Variants in NRP1 observed in about 807,000 individuals in gnomAD.
NRP1 encodes the protein neuropilin-1.
In NRP1, 35 loss-of-function variants were observed where a neutral mutation model predicts 106.7. That is an observed-to-expected ratio of 0.33 (90% CI 0.25 to 0.43). NRP1 has a LOEUF of 0.43. Ranked by LOEUF, NRP1 falls within the 20% of genes least tolerant of loss-of-function variation. The pLI is 1.00. For synonymous variants in NRP1, 437 were observed against 417.9 expected, an observed-to-expected ratio of 1.05 and a Z score of -0.56; for missense variants, 1,024 against 1,170.4, an observed-to-expected ratio of 0.87 and a Z score of 1.83.
chr10:33,193,476 C>T (rs1272422323), intron 12 of NRP1, among the ~76,000 whole-genome samples: 3 of 152,212 alleles, frequency 2.0e-5, no homozygotes, highest in Admixed American at 6.5e-5. Flanking sequence ...CAGCTGTTTT[C>T]TCCAGTGACG....
chr10:33,306,222 G>C (rs1198652701), intron 2 of NRP1, among the ~76,000 whole-genome samples: 1 of 152,202 alleles, frequency 6.6e-6, no homozygotes, highest in African/African-American at 2.4e-5. Context: ...TCATGGCAGA[G>C]AGCTGTCTGC....
At chr10:33,229,913 C>T (rs1329407332) in intron 6 of NRP1, among the ~76,000 whole-genome samples, 1 of 152,092 alleles carries the variant, frequency 6.6e-6, no homozygotes, top group Non-Finnish European at 1.5e-5. Context: ...TGCAGATTCT[C>T]TTATTTACCA....
rs900817171 is a variant in NRP1 at position 33,325,082 on chromosome 10, G to T, written c.248+5626C>A. On this transcript the variant is annotated intron_variant, in intron 2 of 16. Coordinates refer to ENST00000374867, the MANE Select transcript of NRP1 (RefSeq NM_003873.7). ...AGAGGGCTTCTAGGAAGCTGGAAAT[G>T]TTGGCCTCTAGATTGGTTTTGTGGA... Among the ~76,000 whole-genome samples the T allele has an allele frequency of 2.6e-5, 4 of 152,306 alleles. No homozygotes were observed. The East Asian group carries it at 7.7e-4, about 29-fold the overall frequency.
chr10:33,305,719 C>A (rs1001315504), intron 2 of NRP1, among the ~76,000 whole-genome samples: 1 of 150,180 alleles, frequency 6.7e-6, no homozygotes, highest in South Asian at 2.1e-4. Context: ...TCTATGATAA[C>A]GGGAACACAA....
rs1044210 is a variant in NRP1 at position 33,178,393 on chromosome 10, G to T, written c.*1683C>A. On this transcript the variant is annotated 3_prime_UTR_variant, in exon 17 of 17. Coordinates refer to ENST00000374867, the MANE Select transcript of NRP1 (RefSeq NM_003873.7). ...TTAGATGTTGCCAGCCCTAAGGCAG[G>T]CTTATTCTTTGTGAGCCGCTGGAAG... The T allele has an allele frequency of 0.37, 55,499 of 151,998 alleles. 11,179 individuals are homozygous for T. Among genetic ancestry groups the T allele is most frequent in the East Asian group, 0.61 (3,136 of 5,146 alleles). The allele number at this position is 151,998 out of a possible 1,614,324, so 9.4% of individuals were successfully genotyped here.
intron 2 of NRP1, among the ~76,000 whole-genome samples, chr10:33,278,491 A>G (rs941445583): frequency 2.0e-5 from 3 of 152,148 alleles, no homozygotes; most frequent in Non-Finnish European, 2.9e-5. Flanking sequence ...CCTGCAACCA[A>G]CTTCACTGAC....
At chr10:33,282,140 TA>T (rs929471848) in intron 2 of NRP1, among the ~76,000 whole-genome samples, 19 of 151,820 alleles carry the variant, frequency 1.3e-4, no homozygotes, top group Non-Finnish European at 2.2e-4. Flanking sequence ...TTTTTTTTTT[TA>T]AATCATGAAA....
In NRP1 at chr10:33,202,949, T is replaced by G; in HGVS notation, c.1806A>C (p.Glu602Asp). The change falls in exon 11 of 17, where the codon GAA becomes GAC. Residue 602 changes from glutamate (E) to aspartate (D), a missense_variant. Transcript: ENST00000374867. ...PTTPNGNLVDECDDDQANCHS... is the reference protein window; with the variant it reads ...PTTPNGNLVDDCDDDQANCHS... The stretch of plus-strand genomic sequence containing the variant: ...GGCAGTTGGCCTGGTCGTCATCACA[T>G]TCATCCACCAAGTTCCCGTTGGGAG... The G allele has an allele frequency of 1.2e-6, 2 of 1,614,204 alleles. No individual in the cohort carries two copies. The highest frequency in any genetic ancestry group is 1.7e-6 in the Non-Finnish European group (2 of 1,180,028).
chr10:33,213,867 C>G lies in NRP1; in HGVS notation c.1283-150G>C, dbSNP rs989442516. On this transcript the variant is annotated intron_variant, in intron 8 of 16. Transcript: ENST00000374867. Reference sequence around the variant, plus strand: ...CTGGATTATTTTACAGTAAATCTTTCCTCCCTCAAACCTTCCTCCTGCTCT... The same window carrying G: ...CTGGATTATTTTACAGTAAATCTTTGCTCCCTCAAACCTTCCTCCTGCTCT... 17 of 684,544 alleles carry G rather than the reference C, an allele frequency of 2.5e-5. No homozygotes were observed. The Admixed American group carries it at 3.3e-4, about 13-fold the overall frequency. 42.4% of individuals were successfully genotyped at this position (684,544 alleles called of 1,614,324 possible). A position where few individuals can be genotyped will look rare whatever the true frequency, so the allele number is the denominator to read the frequency against.
At chr10:33,203,724 T>C (rs1837530071) in intron 10 of NRP1, among the ~76,000 whole-genome samples, 1 of 44,426 alleles carries the variant, frequency 2.3e-5, no homozygotes, top group African/African-American at 8.8e-5. Context: ...AAAGACTGCT[T>C]TTTTTTTTTT....
chr10:33,247,668 A>G (rs1357125975), intron 6 of NRP1, among the ~76,000 whole-genome samples: 3 of 152,222 alleles, frequency 2.0e-5, no homozygotes, highest in African/African-American at 7.2e-5. Context: ...CATGCAGTGA[A>G]AAACATAATC....
At chr10:33,314,846 A>T (rs540270058) in intron 2 of NRP1, among the ~76,000 whole-genome samples, 2 of 152,324 alleles carry the variant, frequency 1.3e-5, no homozygotes, top group African/African-American at 4.8e-5. Flanking sequence ...AACGCATCCC[A>T]TGTTAACTTC....
chr10:33,239,985 C>T (rs1840888793), intron 6 of NRP1, among the ~76,000 whole-genome samples: 1 of 152,212 alleles, frequency 6.6e-6, no homozygotes, highest in Admixed American at 6.5e-5. Context: ...ACCAAATTAA[C>T]ATATGATCTT....
intron 8 of NRP1, among the ~76,000 whole-genome samples, chr10:33,216,106 C>A (rs1036405028): frequency 6.6e-6 from 1 of 151,956 alleles, no homozygotes; most frequent in Admixed American, 6.6e-5. Context: ...CCTCTTCACA[C>A]CATTTTATCT....
At chr10:33,194,893 T>G (rs1836668817) in intron 12 of NRP1, 1 of 408,528 alleles carries the variant, frequency 2.4e-6, no homozygotes, top group Non-Finnish European at 4.9e-6. Context: ...AAAAGCAAAT[T>G]AATGAATGAA....
intron 7 of NRP1, among the ~76,000 whole-genome samples, chr10:33,224,213 C>T (rs573027472): frequency 6.6e-6 from 1 of 152,270 alleles, no homozygotes; most frequent in African/African-American, 2.4e-5. Flanking sequence ...CCGACTCCTT[C>T]CTTATTCCTT....
At chr10:33,219,718 T>A (rs1338913902) in intron 8 of NRP1, among the ~76,000 whole-genome samples, 1 of 152,194 alleles carries the variant, frequency 6.6e-6, no homozygotes, top group African/African-American at 2.4e-5. Flanking sequence ...ATAAAAAAAA[T>A]TGTATTCAAC....
intron 8 of NRP1, among the ~76,000 whole-genome samples, chr10:33,215,705 A>G (rs1265252917): frequency 6.6e-6 from 1 of 152,254 alleles, no homozygotes; most frequent in African/African-American, 2.4e-5. Flanking sequence ...CTAAGTCCAC[A>G]TTATCAGCTG....
At chr10:33,243,326 A>G (rs1841162069) in intron 6 of NRP1, among the ~76,000 whole-genome samples, 1 of 152,198 alleles carries the variant, frequency 6.6e-6, no homozygotes. Flanking sequence ...ATATATTTAT[A>G]TGTTCATCTT....
Sources: gnomAD v4.1 joint callset for allele counts (sites outside exome capture counted in the v4.1 genomes callset) on GRCh38, gnomAD v4.1.1 for gene constraint, MANE v1.5 for transcripts, NCBI Gene and HGNC (gene_info 2026-07-23, HGNC 2026-07-21) for gene names.